The following BTD variants were observed in gnomAD, a reference collection of about 807,000 sequenced individuals.
BTD encodes the protein biocytinase.
In BTD, 13 loss-of-function variants were observed where a neutral mutation model predicts 17.7. That is an observed-to-expected ratio of 0.74 (90% CI 0.48 to 1.17). The LOEUF is 1.17. BTD is among the 50% of genes most tolerant of loss of function. The pLI, the probability that BTD is intolerant of heterozygous loss-of-function variation, is 0.00. For missense variants in BTD, 674 were observed against 650.4 expected, an observed-to-expected ratio of 1.04 and a Z score of -0.39; for synonymous variants, 240 against 245.2, an observed-to-expected ratio of 0.98 and a Z score of 0.20.
intron 2 of BTD, among the ~76,000 whole-genome samples, chr3:15,639,869 G>A (rs755745142): frequency 1.1e-4 from 16 of 152,052 alleles, no homozygotes; most frequent in Non-Finnish European, 2.2e-4. Flanking sequence ...CAGCATTTTG[G>A]GGGTCCAAAG....
At chr3:15,627,677 G>A (rs942059484) in intron 1 of BTD, among the ~76,000 whole-genome samples, 5 of 152,122 alleles carry the variant, frequency 3.3e-5, no homozygotes, top group African/African-American at 7.2e-5. Flanking sequence ...ATCATCCAGC[G>A]TCAGTGTTTC....
At chr3:15,601,513 T>A, upstream of BTD, 1 of 1,609,332 alleles carries the variant, frequency 6.2e-7, no homozygotes, top group Non-Finnish European at 8.5e-7. Flanking sequence ...ACAAGCGGAA[T>A]CATCCAGCAA....
downstream of BTD, among the ~76,000 whole-genome samples, chr3:15,658,450 C>G (rs530403753): frequency 3.9e-5 from 6 of 152,310 alleles, no homozygotes; most frequent in South Asian, 1.2e-3. Flanking sequence ...AAATTAGTAC[C>G]AAGGCAATCT....
At chr3:15,665,759 G>A (rs115725129) in intron 3 of BTD, among the ~76,000 whole-genome samples, 162 of 152,318 alleles carry the variant, frequency 1.1e-3, no homozygotes, top group African/African-American at 1.6e-3. Flanking sequence ...GCACGCAGAA[G>A]GCACAAACCA....
At chr3:15,711,418 G>A in exon 4 of BTD, 2 of 603,430 alleles carry the variant, frequency 3.3e-6, no homozygotes, top group South Asian at 2.5e-5. Context: ...CTGTTTAAAA[G>A]GCAATAGGAT....
At chr3:15,709,472 G>A (rs1442442152) in intron 3 of BTD, among the ~76,000 whole-genome samples, 1 of 152,182 alleles carries the variant, frequency 6.6e-6, no homozygotes, top group Non-Finnish European at 1.5e-5. Flanking sequence ...GGCTAGGGCT[G>A]TGGTAGGGAC....
At position 15,644,612 on chromosome 3, in the gene BTD, C is replaced by A; in HGVS notation, c.696C>A (p.Asp232Glu). 1 of 1,614,172 alleles carries A rather than the reference C, an allele frequency of 6.2e-7. No homozygotes were observed. The highest frequency in any genetic ancestry group is 2.2e-5 in the East Asian group (1 of 44,886). ...IFTCFDILFF[D>E]PAIRVLRDYK... ...CATGCTTTGATATATTGTTCTTTGA[C>A]CCTGCCATCAGAGTCCTCAGAGACT... is the stretch of plus-strand genomic sequence containing the variant. Residue 232 changes from aspartate (D) to glutamate (E), a missense_variant, in exon 4 of 4, where the codon GAC becomes GAA. By Grantham distance (45) the Asp-to-Glu change is conservative (BLOSUM62 2). Transcript: ENST00000643237.
chr3:15,710,232 T>C (rs994250221), exon 4 of BTD, among the ~76,000 whole-genome samples: 1 of 152,188 alleles, frequency 6.6e-6, no homozygotes, highest in African/African-American at 2.4e-5. Flanking sequence ...TCCTATACTA[T>C]GACTGTTTAC....
chr3:15,659,626 C>T (rs933834038), intron 3 of BTD, among the ~76,000 whole-genome samples: 1 of 152,146 alleles, frequency 6.6e-6, no homozygotes, highest in Non-Finnish European at 1.5e-5. Flanking sequence ...GTTAATATTT[C>T]AATTTTTTAT....
At chr3:15,714,266 C>T (rs1281090948), downstream of BTD, among the ~76,000 whole-genome samples, 2 of 151,900 alleles carry the variant, frequency 1.3e-5, no homozygotes, top group Non-Finnish European at 2.9e-5. Flanking sequence ...ACAGAGTACA[C>T]ACATTAATAT....
chr3:15,713,572 T>A, downstream of BTD: 1 of 1,611,556 alleles, frequency 6.2e-7, no homozygotes, highest in Non-Finnish European at 8.5e-7. Context: ...GATCAGCAGC[T>A]CATGGCCATA....
chr3:15,609,166 C>CA (rs963682933), intron 1 of BTD, among the ~76,000 whole-genome samples: 4 of 151,690 alleles, frequency 2.6e-5, no homozygotes, highest in East Asian at 1.9e-4. Context: ...CTTTTCACTT[C>CA]AAAAAAAATA....
chr3:15,653,194 G>A lies in BTD; in HGVS notation c.*7706G>A, dbSNP rs1037774858. 2.0e-5 allele frequency among the ~76,000 whole-genome samples: 3 copies of A among 152,200 alleles called. No homozygotes were observed. The highest frequency in any genetic ancestry group is 4.8e-5 in the African/African-American group (2 of 41,442). ...GGCTCCACCCCAGATCAACTTAATC[G>A]GACTCTCTGGGAGTAGGGCCCATCA... On this transcript the variant is annotated 3_prime_UTR_variant, in exon 4 of 4. Coordinates refer to ENST00000643237, the MANE Select transcript of BTD (RefSeq NM_001370658.1).
intron 1 of BTD, chr3:15,630,157 GAA>G (rs2125430955): frequency 1.2e-6 from 1 of 844,994 alleles, no homozygotes; most frequent in South Asian, 5.4e-5. Flanking sequence ...CTCAAATCTT[GAA>G]AGTCAGATGC....
At chr3:15,712,623 A>AC in exon 4 of BTD, among the ~76,000 whole-genome samples, 1 of 152,278 alleles carries the variant, frequency 6.6e-6, no homozygotes, top group African/African-American at 2.4e-5. Flanking sequence ...CTACCCTGTC[A>AC]CCCCACCATT....
chr3:15,609,114 A>G (rs146586170), intron 1 of BTD, among the ~76,000 whole-genome samples: 148 of 152,306 alleles, frequency 9.7e-4, no homozygotes, highest in African/African-American at 3.5e-3. Context: ...TTTTTACATC[A>G]TAACGTTTGA....
chr3:15,685,403 G>T, intron 3 of BTD: 1 of 1,613,970 alleles, frequency 6.2e-7, no homozygotes, highest in Non-Finnish European at 8.5e-7. Flanking sequence ...TTAGCACCAT[G>T]TTGAAGTAAT....
intron 1 of BTD, among the ~76,000 whole-genome samples, chr3:15,603,999 G>T (rs2064365777): frequency 1.3e-5 from 2 of 152,242 alleles, no homozygotes; most frequent in African/African-American, 4.8e-5. Flanking sequence ...TATTGAGTGT[G>T]TGCAGCTTTT....
At position 15,694,764 on chromosome 3, in the gene BTD, G is replaced by C. The variant is rs370968562; in HGVS notation, c.400-15296G>C. ...AGCCAAGTGTAAAGGGCTTATTGTT[G>C]CTCTATTATCTGAATCACTCAGCAT... On this transcript the variant is annotated intron_variant, in intron 3 of 3. Coordinates refer to the BTD transcript ENST00000672141. The C allele has an allele frequency of 4.3e-6, 7 of 1,613,308 alleles. No homozygotes were observed. The East Asian group carries it at 1.1e-4, about 26-fold the overall frequency.
Sources: gnomAD v4.1 joint callset for allele counts (sites outside exome capture counted in the v4.1 genomes callset) on GRCh38, gnomAD v4.1.1 for gene constraint, MANE v1.5 for transcripts, NCBI Gene and HGNC (gene_info 2026-07-23, HGNC 2026-07-21) for gene names.